ARHGEF28: variants seen among roughly 807,000 people sequenced by gnomAD.
The protein encoded by ARHGEF28 is 190 kDa guanine nucleotide exchange factor.
ARHGEF28 carries 152 observed loss-of-function variants against 206.6 expected under a neutral mutation model. That is an observed-to-expected ratio of 0.74 (90% confidence interval 0.64 to 0.84). The LOEUF is 0.84. Among genes scored for constraint, ARHGEF28 ranks in the 40% least tolerant of loss-of-function variants. The probability of loss-of-function intolerance (pLI) is 0.00; values close to 1 mark genes in which losing one functional copy is unlikely to be tolerated. For synonymous variants in ARHGEF28, 763 were observed against 776.4 expected (o/e 0.98, Z 0.29); for missense variants, 2,028 against 2,073.2 (o/e 0.98, Z 0.42).
chr5:73,766,576 C>G, intron 4 of ARHGEF28, among the ~76,000 whole-genome samples: 1 of 152,180 alleles, frequency 6.6e-6, no homozygotes, highest in Non-Finnish European at 1.5e-5. Context: ...CCAACTCTGG[C>G]TTTGCATTGG....
Position 73,750,723 on chromosome 5 carries a change from G to A in ARHGEF28, c.181+739G>A, listed in dbSNP as rs77583526. 7.1e-3 allele frequency among the ~76,000 whole-genome samples: 1,079 copies of A among 152,242 alleles called. 13 individuals carry two copies. Among genetic ancestry groups the A allele is most frequent in the African/African-American group, 0.025 (1,022 of 41,550 alleles). ...TTTAACCTAATGGTGGAATTAAAAT[G>A]TCATTACCTACAGGACAGGGAGGGC... is the stretch of plus-strand genomic sequence containing the variant. On this transcript the variant is annotated intron_variant, in intron 3 of 35. Coordinates refer to ENST00000513042, the MANE Select transcript of ARHGEF28 (RefSeq NM_001177693.2).
At chr5:73,860,101 C>G (rs1759303870) in intron 16 of ARHGEF28, among the ~76,000 whole-genome samples, 1 of 152,196 alleles carries the variant, frequency 6.6e-6, no homozygotes, top group South Asian at 2.1e-4. Context: ...GCACACTACT[C>G]TTCTGTTTTA....
chr5:73,932,504 T>C (rs1014506362), intron 35 of ARHGEF28, among the ~76,000 whole-genome samples: 5 of 152,164 alleles, frequency 3.3e-5, no homozygotes, highest in African/African-American at 1.2e-4. Flanking sequence ...CAAGGTCAAA[T>C]AATGCTAGTG....
intron 7 of ARHGEF28, among the ~76,000 whole-genome samples, chr5:73,790,065 G>A (rs1461416888): frequency 6.6e-6 from 1 of 152,184 alleles, no homozygotes; most frequent in African/African-American, 2.4e-5. Flanking sequence ...AGAATGGCCT[G>A]CAGCAGTCTG....
At chr5:73,665,611 G>A (rs553783102) in intron 1 of ARHGEF28, among the ~76,000 whole-genome samples, 1 of 152,248 alleles carries the variant, frequency 6.6e-6, no homozygotes, top group South Asian at 2.1e-4. Context: ...AGCTGGTGGG[G>A]CTGCATCATC....
chr5:73,706,322 C>A (rs920347660), intron 2 of ARHGEF28, among the ~76,000 whole-genome samples: 1 of 151,968 alleles, frequency 6.6e-6, no homozygotes, highest in East Asian at 1.9e-4. Context: ...CCAGCCTGGG[C>A]GACAGAGCAA....
intron 2 of ARHGEF28, among the ~76,000 whole-genome samples, chr5:73,698,525 G>A (rs1360794202): frequency 3.9e-5 from 6 of 152,060 alleles, no homozygotes; most frequent in African/African-American, 2.4e-5. Flanking sequence ...TCTTCCCTAA[G>A]CATTGAAAGA....
chr5:73,673,801 A>G (rs1301639246), intron 1 of ARHGEF28, among the ~76,000 whole-genome samples: 1 of 152,166 alleles, frequency 6.6e-6, no homozygotes, highest in Non-Finnish European at 1.5e-5. Flanking sequence ...TCTTTGGGAT[A>G]GGTACTATGA....
Position 73,864,203 on chromosome 5 carries a change from GGGGCA to G in ARHGEF28, c.2048-610_2048-606del, listed in dbSNP as rs373887149. Among the ~76,000 whole-genome samples, 13 of 152,164 alleles carry G rather than the reference GGGGCA, an allele frequency of 8.5e-5. 1 individual carries two copies. Among genetic ancestry groups the G allele is most frequent in the South Asian group, 4.1e-4 (2 of 4,822 alleles). ...CAGTGTCTGTGTTCATGGGCAGAAA[GGGGCA>G]GGGAAAGTATTCCCTTACATTCTTC... On this transcript the variant is annotated intron_variant, in intron 16 of 35. Coordinates refer to ENST00000513042, the MANE Select transcript of ARHGEF28 (RefSeq NM_001177693.2).
chr5:73,683,019 C>T (rs1441559722), intron 1 of ARHGEF28, among the ~76,000 whole-genome samples: 2 of 152,130 alleles, frequency 1.3e-5, no homozygotes, highest in Admixed American at 1.3e-4. Context: ...CTTGGAACTC[C>T]TTGAGGGCTG....
rs114463356 is a variant in ARHGEF28, at chr5:73,704,720, C to T, written c.33+19836C>T. On this transcript the variant is annotated intron_variant, in intron 2 of 35. Transcript: ENST00000513042. ...GATTACAGGCATGAGCCACCACACC[C>T]GCCCATTACTATTATTTTTTTAAAT... Among the ~76,000 whole-genome samples the T allele has an allele frequency of 7.1e-3, 1,087 of 152,192 alleles. 13 individuals carry two copies. The highest frequency in any genetic ancestry group is 0.025 in the African/African-American group (1,020 of 41,504).
chr5:73,682,246 T>C (rs1425270941), intron 1 of ARHGEF28, among the ~76,000 whole-genome samples: 1 of 152,144 alleles, frequency 6.6e-6, no homozygotes, highest in East Asian at 1.9e-4. Context: ...TCTCAAGATG[T>C]CTTAGGAAAC....
intron 1 of ARHGEF28, among the ~76,000 whole-genome samples, chr5:73,647,446 C>G (rs1263670377): frequency 6.6e-6 from 1 of 152,172 alleles, no homozygotes; most frequent in East Asian, 1.9e-4. Flanking sequence ...ATACTCACAC[C>G]TAACTTCAGG....
intron 10 of ARHGEF28, among the ~76,000 whole-genome samples, chr5:73,836,624 T>TTTTGCTGTTTCC (rs1195534404): frequency 6.5e-4 from 99 of 152,272 alleles, no homozygotes; most frequent in African/African-American, 2.2e-3. Context: ...TGCTGTTTTA[T>TTTTGCTGTTTCC]TTTGCTGTTT....
chr5:73,938,970 T>G lies in ARHGEF28; in HGVS notation c.4949-1874T>G, dbSNP rs894421379. Among the ~76,000 whole-genome samples the G allele has an allele frequency of 2.3e-4, 35 of 152,162 alleles. 1 individual carries two copies. Among genetic ancestry groups the G allele is most frequent in the African/African-American group, 8.4e-4 (35 of 41,490 alleles). On this transcript the variant is annotated intron_variant, in intron 35 of 35. Coordinates refer to ENST00000513042, the MANE Select transcript of ARHGEF28 (RefSeq NM_001177693.2). Reference sequence around the variant, plus strand: ...TTTGCCTTTGCTTTCTTCTTTTTTTTGGCAAGTGACTCTTCAAAATGTAGT... The same window carrying G: ...TTTGCCTTTGCTTTCTTCTTTTTTTGGGCAAGTGACTCTTCAAAATGTAGT...
intron 35 of ARHGEF28, among the ~76,000 whole-genome samples, chr5:73,926,029 G>C (rs1020947837): frequency 6.6e-6 from 1 of 152,200 alleles, no homozygotes; most frequent in South Asian, 2.1e-4. Context: ...GCTTTATACT[G>C]TGAAATAGTG....
At chr5:73,803,947 G>A (rs1755284093) in intron 9 of ARHGEF28, among the ~76,000 whole-genome samples, 1 of 151,864 alleles carries the variant, frequency 6.6e-6, no homozygotes. Flanking sequence ...AATTAGCCGG[G>A]CATGGTACAT....
At chr5:73,752,141 T>C (rs1752047154) in intron 3 of ARHGEF28, among the ~76,000 whole-genome samples, 1 of 152,176 alleles carries the variant, frequency 6.6e-6, no homozygotes, top group Non-Finnish European at 1.5e-5. Flanking sequence ...TCATAGTGAT[T>C]TGCTGCCACC....
At chr5:73,740,176 C>CAAA (rs550677123) in intron 2 of ARHGEF28, among the ~76,000 whole-genome samples, 1 of 85,992 alleles carries the variant, frequency 1.2e-5, no homozygotes, top group Admixed American at 1.3e-4. Context: ...GAACCTATCT[C>CAAA]AAAAAAAAAA....
Sources: allele counts gnomAD v4.1 joint callset (sites outside exome capture counted in the v4.1 genomes callset), GRCh38; gene constraint gnomAD v4.1.1; transcripts MANE v1.5; gene names NCBI Gene and HGNC (gene_info 2026-07-23, HGNC 2026-07-21).